XIRP2: variants seen among roughly 807,000 people sequenced by gnomAD.
XIRP2 encodes the protein xin actin-binding repeat-containing protein 2.
Under a neutral mutation model 277.0 loss-of-function variants are expected in XIRP2, and 236 were observed. The observed-to-expected ratio is 0.85, with a 90% CI of 0.77 to 0.95. The LOEUF is 0.95. XIRP2 is among the 40% of genes least tolerant of loss of function. The pLI, the probability that XIRP2 is intolerant of heterozygous loss-of-function variation, is 0.00. For missense variants in XIRP2, 4,640 were observed against 4,157.5 expected (o/e 1.12, Z -3.19); for synonymous variants, 1,490 against 1,416.5 (o/e 1.05, Z -1.17).
At chr2:167,156,467 T>G (rs1692201334) in intron 3 of XIRP2, among the ~76,000 whole-genome samples, 1 of 151,774 alleles carries the variant, frequency 6.6e-6, no homozygotes, top group African/African-American at 2.4e-5. Flanking sequence ...AAGTGCATTC[T>G]TAGAACACTT....
At chr2:167,182,161 C>A (rs1429556614) in intron 3 of XIRP2, among the ~76,000 whole-genome samples, 1 of 152,140 alleles carries the variant, frequency 6.6e-6, no homozygotes, top group Non-Finnish European at 1.5e-5. Flanking sequence ...TACTAATACC[C>A]TAATTATGCT....
At chr2:167,173,673 G>T (rs2105350824) in intron 3 of XIRP2, among the ~76,000 whole-genome samples, 1 of 152,228 alleles carries the variant, frequency 6.6e-6, no homozygotes, top group African/African-American at 2.4e-5. Flanking sequence ...GGATAGTATG[G>T]TAGCTCTATT....
At chr2:167,074,637 T>C (rs1008425841) in intron 2 of XIRP2, among the ~76,000 whole-genome samples, 2 of 80,654 alleles carry the variant, frequency 2.5e-5, no homozygotes, top group Non-Finnish European at 4.3e-5. Flanking sequence ...TGTGTGTGCG[T>C]GTGTGTGTGT....
intron 1 of XIRP2, among the ~76,000 whole-genome samples, chr2:166,902,758 G>T (rs764321503): frequency 6.6e-6 from 1 of 151,954 alleles, no homozygotes; most frequent in Non-Finnish European, 1.5e-5. Flanking sequence ...AAACTCCACT[G>T]GTTAAGAGGG....
At chr2:166,930,611 C>T (rs906146271) in intron 2 of XIRP2, among the ~76,000 whole-genome samples, 7 of 152,062 alleles carry the variant, frequency 4.6e-5, no homozygotes, top group Admixed American at 6.6e-5. Context: ...TTGGATTGAT[C>T]GGTTTTGAAA....
rs1394800902 is a variant in XIRP2 at position 167,246,470 on chromosome 2, GT to G, written c.5079del (p.Leu1694PhefsTer15). The G allele has an allele frequency of 7.4e-6, 12 of 1,613,696 alleles. No individual in the cohort carries two copies. The highest frequency in any genetic ancestry group is 1.3e-5 in the African/African-American group (1 of 75,020). On this transcript the variant is annotated frameshift_variant, in exon 9 of 11. Coordinates refer to ENST00000409195, the MANE Select transcript of XIRP2 (RefSeq NM_152381.6). LOFTEE classifies it high-confidence loss of function. The part of the protein sequence containing the change: ...EKGDINMTIY[C>X]LLHENDGDTI... Reference sequence around the variant, plus strand: ...GGAGATATTAACATGACTATCTATTGTCTTCTTCATGAAAATGATGGTGACA... The same window carrying G: ...GGAGATATTAACATGACTATCTATTGCTTCTTCATGAAAATGATGGTGACA...
At chr2:166,986,816 T>G (rs1317222579) in intron 2 of XIRP2, among the ~76,000 whole-genome samples, 8 of 152,236 alleles carry the variant, frequency 5.3e-5, no homozygotes, top group Admixed American at 2.0e-4. Flanking sequence ...TACCAGAGGA[T>G]GCACAGCATA....
intron 3 of XIRP2, among the ~76,000 whole-genome samples, chr2:167,201,148 G>A (rs919578561): frequency 6.7e-6 from 1 of 149,324 alleles, no homozygotes; most frequent in African/African-American, 2.5e-5. Flanking sequence ...GAGAGAGGGA[G>A]GGAGGGAAAG....
Position 166,975,968 on chromosome 2 carries a change from T to C in XIRP2, c.408+72078T>C, listed in dbSNP as rs544198912. 2.1e-5 allele frequency among the ~76,000 whole-genome samples: 3 copies of C among 140,008 alleles called. No individual in the cohort carries two copies. The East Asian group carries it at 6.4e-4, about 30-fold the overall frequency. The allele number at this position is 140,008 out of a possible 152,430, so 91.9% of individuals were successfully genotyped here. The stretch of plus-strand genomic sequence containing the variant: ...AAAAAAAAAAAAAAAAAAAGGTTAA[T>C]TGTACACTAATACCCATATCCATGC... On this transcript the variant is annotated intron_variant, in intron 2 of 10. Transcript: ENST00000409195.
At chr2:167,144,860 A>C (rs1373524883) in intron 3 of XIRP2, among the ~76,000 whole-genome samples, 1 of 152,180 alleles carries the variant, frequency 6.6e-6, no homozygotes, top group East Asian at 1.9e-4. Flanking sequence ...TAGATTTTGC[A>C]TAGAATAATT....
rs534831736 is a variant in XIRP2, at chr2:166,924,111, T to C, written c.408+20221T>C. Among the ~76,000 whole-genome samples the C allele has an allele frequency of 5.9e-5, 9 of 152,178 alleles. No individual in the cohort carries two copies. The South Asian group carries it at 1.9e-3, about 32-fold the overall frequency. ...AGTGGATATAGTTGAGTATCTTCCT[T>C]TGGAGATGTTTCAGAAATCTTTTTT... On this transcript the variant is annotated intron_variant, in intron 2 of 10. Coordinates refer to ENST00000409195, the MANE Select transcript of XIRP2 (RefSeq NM_152381.6).
rs571205418 is a variant in XIRP2 at position 167,011,023 on chromosome 2, C to A, written c.408+107133C>A. Among the ~76,000 whole-genome samples, 398 of 151,968 alleles carry A rather than the reference C, an allele frequency of 2.6e-3. 1 individual carries two copies. The highest frequency in any genetic ancestry group is 8.8e-3 in the African/African-American group (365 of 41,472). ...ACAATCATGTCATCTGCAAACAGGGCCAATATGACTTCCTCTTTTCCTAAT... is the reference window on the plus strand; with the variant it reads ...ACAATCATGTCATCTGCAAACAGGGACAATATGACTTCCTCTTTTCCTAAT... On this transcript the variant is annotated intron_variant, in intron 2 of 10. Coordinates refer to ENST00000409195, the MANE Select transcript of XIRP2 (RefSeq NM_152381.6).
intron 2 of XIRP2, among the ~76,000 whole-genome samples, chr2:167,015,290 A>G (rs920192027): frequency 1.3e-5 from 2 of 151,930 alleles, no homozygotes; most frequent in African/African-American, 2.4e-5. Context: ...TAAACCAGTA[A>G]AAAATGTCAT....
At chr2:167,097,678 C>G (rs1379101353) in intron 2 of XIRP2, among the ~76,000 whole-genome samples, 12 of 152,106 alleles carry the variant, frequency 7.9e-5, no homozygotes, top group Non-Finnish European at 8.8e-5. Context: ...TTTGTTTTTG[C>G]TATGGTTGGT....
At chr2:166,967,150 C>A (rs936545344) in intron 2 of XIRP2, among the ~76,000 whole-genome samples, 5 of 151,808 alleles carry the variant, frequency 3.3e-5, no homozygotes, top group Non-Finnish European at 7.4e-5. Context: ...GAAGAAAAAA[C>A]AAACTCATTT....
intron 3 of XIRP2, among the ~76,000 whole-genome samples, chr2:167,154,721 C>A (rs1401842332): frequency 1.3e-5 from 2 of 151,950 alleles, no homozygotes; most frequent in Non-Finnish European, 2.9e-5. Context: ...CAAAAGCTGG[C>A]AGAAGGCAAG....
chr2:166,941,087 C>T (rs1330603350), intron 2 of XIRP2, among the ~76,000 whole-genome samples: 5 of 152,286 alleles, frequency 3.3e-5, no homozygotes, highest in African/African-American at 7.2e-5. Flanking sequence ...CTGTGGTGGG[C>T]TCCACTCAGT....
chr2:167,217,864 A>C (rs1233504968), intron 4 of XIRP2, among the ~76,000 whole-genome samples: 1 of 152,120 alleles, frequency 6.6e-6, no homozygotes, highest in Non-Finnish European at 1.5e-5. Context: ...TTACAGGAGA[A>C]ATACCGTGCA....
rs190206142 is a variant in XIRP2, at chr2:167,031,528, C to G, written c.409-104381C>G. ...AGAATGTTGAATTTGTCCCTGTTTG[C>G]AGATGACAACTGTATATTTAGAAAA... On this transcript the variant is annotated intron_variant, in intron 2 of 10. Coordinates refer to ENST00000409195, the MANE Select transcript of XIRP2 (RefSeq NM_152381.6). 5.0e-4 allele frequency among the ~76,000 whole-genome samples: 76 copies of G among 152,140 alleles called. 1 individual carries two copies. The highest frequency in any genetic ancestry group is 1.8e-3 in the African/African-American group (74 of 41,548).
Sources: allele counts gnomAD v4.1 joint callset (sites outside exome capture counted in the v4.1 genomes callset), GRCh38; gene constraint gnomAD v4.1.1; transcripts MANE v1.5; gene names NCBI Gene and HGNC (gene_info 2026-07-23, HGNC 2026-07-21).